MMP16: variants seen among roughly 807,000 people sequenced by gnomAD.
MMP16 encodes the protein matrix metallopeptidase 16.
In MMP16, 12 loss-of-function variants were observed where a neutral mutation model predicts 67.8. The ratio of observed to expected loss-of-function variants is 0.18; its 90% confidence interval spans 0.11 to 0.29. The LOEUF is 0.29. Among genes scored for constraint, MMP16 ranks in the 10% least tolerant of loss-of-function variants. MMP16 has a pLI of 1.00. For synonymous variants in MMP16, 249 were observed against 255.9 expected, an observed-to-expected ratio of 0.97 and a Z score of 0.26; for missense variants, 475 against 765.7, an observed-to-expected ratio of 0.62 and a Z score of 4.48.
chr8:88,236,086 A>G (rs906459666), intron 1 of MMP16, among the ~76,000 whole-genome samples: 2 of 152,232 alleles, frequency 1.3e-5, no homozygotes, highest in African/African-American at 4.8e-5. Flanking sequence ...GTGATGATTT[A>G]TTGGAAACAG....
At chr8:88,246,117 C>T (rs900870570) in intron 1 of MMP16, among the ~76,000 whole-genome samples, 3 of 152,086 alleles carry the variant, frequency 2.0e-5, no homozygotes, top group African/African-American at 7.2e-5. Context: ...CAAATCCAAT[C>T]TCCGTATGTG....
chr8:88,056,202 T>C lies in MMP16; in HGVS notation c.1299A>G (p.Gly433=). 3.1e-6 allele frequency: 5 copies of C among 1,602,958 alleles called. No individual in the cohort carries two copies. The highest frequency in any genetic ancestry group is 4.3e-6 in the Non-Finnish European group (5 of 1,173,578). ...YPHDLITLGS[G]IPPHGIDSAI... is the part of the protein sequence containing the mutation. ...CTGAATCAATACCATGAGGGGGAAT[T>C]CCACTTCCAAGGGTTATCAAGTCAT... Residue 433 remains glycine (G), a synonymous_variant, in exon 8 of 10, where the codon GGA becomes GGG. Coordinates refer to ENST00000286614, the MANE Select transcript of MMP16 (RefSeq NM_005941.5).
At chr8:88,131,007 C>T (rs1808018887) in intron 4 of MMP16, among the ~76,000 whole-genome samples, 1 of 151,570 alleles carries the variant, frequency 6.6e-6, no homozygotes, top group Non-Finnish European at 1.5e-5. Flanking sequence ...GTCTTGATTG[C>T]AAAGAACCTA....
chr8:88,083,238 T>G (rs2118315874), intron 6 of MMP16, among the ~76,000 whole-genome samples: 1 of 152,214 alleles, frequency 6.6e-6, no homozygotes, highest in African/African-American at 2.4e-5. Flanking sequence ...TTCTAAATTT[T>G]TAGGAAATTT....
At chr8:88,101,896 C>T (rs1370748585) in intron 6 of MMP16, among the ~76,000 whole-genome samples, 3 of 151,852 alleles carry the variant, frequency 2.0e-5, no homozygotes, top group Non-Finnish European at 2.9e-5. Flanking sequence ...TGATTCTCTT[C>T]ATAATTTGAA....
intron 1 of MMP16, among the ~76,000 whole-genome samples, chr8:88,270,748 AC>A (rs1472872445): frequency 6.6e-6 from 1 of 152,208 alleles, no homozygotes; most frequent in Non-Finnish European, 1.5e-5. Context: ...TTCTTGAAAC[AC>A]TAGAATAGGC....
intron 6 of MMP16, among the ~76,000 whole-genome samples, chr8:88,085,412 G>A (rs1808817083): frequency 6.6e-6 from 1 of 151,950 alleles, no homozygotes. Context: ...TTTTCACTAA[G>A]ACAGTCGTGA....
intron 1 of MMP16, among the ~76,000 whole-genome samples, chr8:88,225,147 T>G (rs535018293): frequency 1.7e-4 from 26 of 152,168 alleles, no homozygotes; most frequent in African/African-American, 6.3e-4. Flanking sequence ...CTATATAGTT[T>G]ACAATTTCAC....
intron 1 of MMP16, among the ~76,000 whole-genome samples, chr8:88,293,035 G>A (rs1397621575): frequency 6.6e-6 from 1 of 152,096 alleles, no homozygotes; most frequent in African/African-American, 2.4e-5. Context: ...ACGCTCTAGA[G>A]TTCAACAGGC....
At chr8:88,276,243 A>T (rs1287645999) in intron 1 of MMP16, among the ~76,000 whole-genome samples, 1 of 152,140 alleles carries the variant, frequency 6.6e-6, no homozygotes, top group Non-Finnish European at 1.5e-5. Flanking sequence ...TATACCTTAC[A>T]TTGCAAAAAA....
intron 1 of MMP16, among the ~76,000 whole-genome samples, chr8:88,216,315 T>G (rs1809593931): frequency 6.6e-6 from 1 of 152,190 alleles, no homozygotes; most frequent in Admixed American, 6.5e-5. Flanking sequence ...TAACAAAGTT[T>G]TAATTTTTCT....
intron 1 of MMP16, among the ~76,000 whole-genome samples, chr8:88,239,243 T>G (rs1809994596): frequency 7.8e-6 from 1 of 127,724 alleles, no homozygotes; most frequent in Admixed American, 1.1e-4. Flanking sequence ...TGCAGTGAAC[T>G]GAGATTGTGC....
chr8:88,164,390 G>A (rs1038265440), intron 4 of MMP16, among the ~76,000 whole-genome samples: 22 of 152,076 alleles, frequency 1.4e-4, no homozygotes, highest in African/African-American at 5.3e-4. Context: ...CACATAGTTA[G>A]AATCGAGGAT....
chr8:88,181,900 G>A (rs973377622), intron 3 of MMP16, among the ~76,000 whole-genome samples: 3 of 151,970 alleles, frequency 2.0e-5, no homozygotes, highest in Non-Finnish European at 4.4e-5. Context: ...GCAATACAAT[G>A]GAGAAAGAAT....
chr8:88,306,618 G>T (rs1381682806), intron 1 of MMP16, among the ~76,000 whole-genome samples: 1 of 152,068 alleles, frequency 6.6e-6, no homozygotes, highest in Non-Finnish European at 1.5e-5. Context: ...TGCAAGGTTG[G>T]TTCAATATAT....
chr8:88,307,787 T>G (rs928470957), intron 1 of MMP16, among the ~76,000 whole-genome samples: 1 of 152,010 alleles, frequency 6.6e-6, no homozygotes, highest in Non-Finnish European at 1.5e-5. Flanking sequence ...GTGAATGATA[T>G]AGCCATGTAT....
At chr8:88,274,091 G>A (rs552274698) in intron 1 of MMP16, among the ~76,000 whole-genome samples, 8 of 152,182 alleles carry the variant, frequency 5.3e-5, no homozygotes, top group Non-Finnish European at 1.2e-4. Context: ...GAAAGCAAAC[G>A]TACCATAGAA....
At chr8:88,100,773 T>C (rs950846471) in intron 6 of MMP16, among the ~76,000 whole-genome samples, 9 of 152,130 alleles carry the variant, frequency 5.9e-5, no homozygotes, top group Admixed American at 3.3e-4. Flanking sequence ...GTGGCACATA[T>C]ACACCATGGA....
At chr8:88,071,737 A>G (rs1246705365) in intron 7 of MMP16, among the ~76,000 whole-genome samples, 1 of 152,152 alleles carries the variant, frequency 6.6e-6, no homozygotes, top group Non-Finnish European at 1.5e-5. Flanking sequence ...ACTATATTCC[A>G]GGTATTGTTT....
Sources: allele counts gnomAD v4.1 joint callset (sites outside exome capture counted in the v4.1 genomes callset), GRCh38; gene constraint gnomAD v4.1.1; transcripts MANE v1.5; gene names NCBI Gene and HGNC (gene_info 2026-07-23, HGNC 2026-07-21).